Variants in RAB3IP observed in about 807,000 individuals in gnomAD.
RAB3IP encodes the protein rab-3A-interacting protein.
In RAB3IP, 36 loss-of-function variants were observed where a neutral mutation model predicts 59.1. The ratio of observed to expected loss-of-function variants is 0.61; its 90% confidence interval spans 0.47 to 0.80. The LOEUF (loss-of-function observed/expected upper bound fraction) is 0.80, where lower values mean the gene tolerates loss of function less well. Ranked by LOEUF, RAB3IP falls within the 30% of genes least tolerant of loss-of-function variation. RAB3IP has a pLI of 0.00. For synonymous variants in RAB3IP, 207 were observed against 191.2 expected (o/e 1.08, Z -0.68); for missense variants, 511 against 536.0 (o/e 0.95, Z 0.46).
chr12:69,769,957 G>C (rs779108302), intron 3 of RAB3IP, among the ~76,000 whole-genome samples: 1 of 152,078 alleles, frequency 6.6e-6, no homozygotes, highest in South Asian at 2.1e-4. Context: ...GTTGGGTTCC[G>C]TATTTGTGAT....
In RAB3IP at chr12:69,818,434, A is replaced by G. The variant is rs1881365131; in HGVS notation, c.*2988A>G. On this transcript the variant is annotated 3_prime_UTR_variant, in exon 11 of 11. Transcript: ENST00000247833. ...ACTGCACTCTTACCTTGGGTGACAG[A>G]GTAAGATCATACCTTAAAAAAAAAA... The G allele has an allele frequency of 1.3e-5, 2 of 151,436 alleles. No homozygotes were observed. The highest frequency in any genetic ancestry group is 6.6e-5 in the Admixed American group (1 of 15,214). 9.4% of individuals were successfully genotyped at this position (151,436 alleles called of 1,614,324 possible).
At chr12:69,747,309 T>A (rs1358200814) in intron 1 of RAB3IP, among the ~76,000 whole-genome samples, 1 of 138,948 alleles carries the variant, frequency 7.2e-6, no homozygotes, top group African/African-American at 2.6e-5. Flanking sequence ...TGTGTGTGTG[T>A]GTGTGTGTGT....
At chr12:69,780,573 A>G (rs910561916) in intron 3 of RAB3IP, among the ~76,000 whole-genome samples, 4 of 152,202 alleles carry the variant, frequency 2.6e-5, no homozygotes, top group Non-Finnish European at 4.4e-5. Flanking sequence ...TTTGGGACAA[A>G]GGCTGACAGG....
In RAB3IP at chr12:69,756,675, GAT is replaced by G. The variant is rs1870283007; in HGVS notation, c.510+15_510+16del. 6.2e-7 allele frequency: 1 copy of G among 1,601,702 alleles called. No individual in the cohort carries two copies. Among genetic ancestry groups the G allele is most frequent in the Non-Finnish European group, 8.5e-7 (1 of 1,173,732 alleles). The stretch of plus-strand genomic sequence containing the variant: ...CAAAAGCTCAGAGGGTAAGAAAGAA[GAT>G]ATTTTATTCTTCCATATATTATATT... On this transcript the variant is annotated intron_variant, in intron 3 of 10. Coordinates refer to ENST00000247833, the MANE Select transcript of RAB3IP (RefSeq NM_022456.5).
chr12:69,804,563 C>T (rs1317935026), intron 8 of RAB3IP, among the ~76,000 whole-genome samples: 2 of 152,302 alleles, frequency 1.3e-5, no homozygotes, highest in East Asian at 3.9e-4. Flanking sequence ...GACATGAAGT[C>T]CTTGTCCATG....
At position 69,820,857 on chromosome 12, in the gene RAB3IP, T is replaced by TCAA. The variant is rs1881649954; in HGVS notation, c.*5411_*5412insCAA. 1.3e-4 allele frequency: 1 copy of TCAA among 7,762 alleles called. No individual in the cohort carries two copies. The highest frequency in any genetic ancestry group is 3.6e-4 in the Non-Finnish European group (1 of 2,770). 0.5% of individuals were successfully genotyped at this position (7,762 alleles called of 1,614,324 possible). On this transcript the variant is annotated 3_prime_UTR_variant, in exon 11 of 11. Coordinates refer to ENST00000247833, the MANE Select transcript of RAB3IP (RefSeq NM_022456.5). Reference sequence around the variant, plus strand: ...TGGGCAACAAGAGTGAAACTCCGTCTGAAAAAAAAAAAAAAAAACCCAAAC... The same window carrying TCAA: ...TGGGCAACAAGAGTGAAACTCCGTCTCAAGAAAAAAAAAAAAAAAAACCCAAAC...
At chr12:69,813,901 GT>G (rs1287884317) in intron 10 of RAB3IP, among the ~76,000 whole-genome samples, 1 of 152,032 alleles carries the variant, frequency 6.6e-6, no homozygotes, top group African/African-American at 2.4e-5. Flanking sequence ...TAAAAACTTA[GT>G]TTAGCCTTTC....
chr12:69,791,652 A>C (rs1187035137), intron 4 of RAB3IP, among the ~76,000 whole-genome samples: 1 of 152,204 alleles, frequency 6.6e-6, no homozygotes, highest in Non-Finnish European at 1.5e-5. Context: ...CTATTATCAA[A>C]ATACAAAAGA....
At chr12:69,767,783 C>T (rs1186696698) in intron 3 of RAB3IP, among the ~76,000 whole-genome samples, 1 of 151,988 alleles carries the variant, frequency 6.6e-6, no homozygotes, top group Non-Finnish European at 1.5e-5. Context: ...GGGCATGTGA[C>T]AGAACCTGCC....
intron 8 of RAB3IP, among the ~76,000 whole-genome samples, chr12:69,810,788 G>T (rs1013024806): frequency 3.9e-5 from 6 of 152,162 alleles, no homozygotes; most frequent in African/African-American, 1.4e-4. Flanking sequence ...TTGATTTGTG[G>T]AAGAGGATTA....
In RAB3IP at chr12:69,816,622, C is replaced by G. The variant is rs1881166109; in HGVS notation, c.*1176C>G. 2.0e-5 allele frequency: 3 copies of G among 152,126 alleles called. No homozygotes were observed. The highest frequency in any genetic ancestry group is 4.1e-4 in the South Asian group (2 of 4,824). The allele number at this position is 152,126 out of a possible 1,614,324, so 9.4% of individuals were successfully genotyped here. A position where few individuals can be genotyped will look rare whatever the true frequency, so the allele number is the denominator to read the frequency against. On this transcript the variant is annotated 3_prime_UTR_variant, in exon 11 of 11. Coordinates refer to ENST00000247833, the MANE Select transcript of RAB3IP (RefSeq NM_022456.5). The stretch of plus-strand genomic sequence containing the variant: ...ATATTATAATGCTGTGACGAGTATC[C>G]TTATCTGTACACTTCTGAACATTGT...
chr12:69,800,218 T>C lies in RAB3IP; in HGVS notation c.898T>C (p.Ser300Pro), dbSNP rs1878159846. ...TCCTTTGGTTTGTTAGGCTGACTTA[T>C]CCTTGTATAATGAATTCCGATTGTG... ...IVKDCKEADL[S>P]LYNEFRLWKD... The change falls in exon 7 of 11, where the codon TCC (serine) becomes CCC (proline). Residue 300 changes from serine to proline, a missense_variant. Physicochemically the swap from Ser to Pro is moderately conservative, Grantham distance 74. Transcript: ENST00000247833. The C allele has an allele frequency of 1.9e-6, 3 of 1,546,770 alleles. No individual in the cohort carries two copies. The highest frequency in any genetic ancestry group is 4.2e-5 in the Admixed American group (2 of 47,240).
At chr12:69,767,431 G>A (rs974565577) in intron 3 of RAB3IP, among the ~76,000 whole-genome samples, 2 of 152,130 alleles carry the variant, frequency 1.3e-5, no homozygotes, top group African/African-American at 4.8e-5. Flanking sequence ...AGGGGGATGG[G>A]GCCATGATTG....
intron 3 of RAB3IP, among the ~76,000 whole-genome samples, chr12:69,764,386 T>C (rs1269769657): frequency 6.6e-6 from 1 of 152,208 alleles, no homozygotes. Flanking sequence ...CTAGCACCAT[T>C]TGTTGAATAA....
intron 1 of RAB3IP, among the ~76,000 whole-genome samples, chr12:69,751,452 A>C (rs1366762067): frequency 6.6e-6 from 1 of 152,154 alleles, no homozygotes; most frequent in Admixed American, 6.5e-5. Context: ...TGAGTTGGTC[A>C]GCGTTGCTAT....
intron 4 of RAB3IP, among the ~76,000 whole-genome samples, chr12:69,788,691 C>G (rs777999917): frequency 2.0e-5 from 3 of 152,024 alleles, no homozygotes; most frequent in Non-Finnish European, 4.4e-5. Context: ...CTGCATAACG[C>G]TATAGACCAA....
At position 69,808,354 on chromosome 12, in the gene RAB3IP, G is replaced by A. The variant is rs1184116828; in HGVS notation, c.1131-4424G>A. Among the ~76,000 whole-genome samples the A allele has an allele frequency of 6.0e-4, 92 of 152,186 alleles. 1 individual carries two copies. The highest frequency in any genetic ancestry group is 9.9e-4 in the Non-Finnish European group (67 of 68,016). On this transcript the variant is annotated intron_variant, in intron 8 of 10. Transcript: ENST00000247833. ...AATAGGTGTGGTGTGGTGCTGAAAA[G>A]AATGTATATTCTGTTGATTTGGGGT...
chr12:69,770,797 A>G (rs1872984404), intron 3 of RAB3IP, among the ~76,000 whole-genome samples: 1 of 152,208 alleles, frequency 6.6e-6, no homozygotes, highest in Non-Finnish European at 1.5e-5. Context: ...ATACACACAC[A>G]CATTGTATAA....
At chr12:69,811,153 G>A (rs1880392119) in intron 8 of RAB3IP, among the ~76,000 whole-genome samples, 1 of 152,164 alleles carries the variant, frequency 6.6e-6, no homozygotes, top group African/African-American at 2.4e-5. Context: ...CATGCTGCCT[G>A]TTCTCCCTTA....
Sources: gnomAD v4.1 joint callset for allele counts (sites outside exome capture counted in the v4.1 genomes callset) on GRCh38, gnomAD v4.1.1 for gene constraint, MANE v1.5 for transcripts, NCBI Gene and HGNC (gene_info 2026-07-23, HGNC 2026-07-21) for gene names.